The following YTHDF2 variants were observed in gnomAD, a reference collection of about 807,000 sequenced individuals.
YTHDF2 encodes the protein YTH N6-methyladenosine RNA binding protein F2, also known as YTH domain-containing family protein 2.
Under a neutral mutation model 50.4 loss-of-function variants are expected in YTHDF2, and 2 were observed. That is an observed-to-expected ratio of 0.04 (90% CI 0.02 to 0.12). YTHDF2 has a LOEUF of 0.12. Ranked by LOEUF, YTHDF2 falls within the 10% of genes least tolerant of loss-of-function variation. YTHDF2 has a pLI of 1.00. For synonymous variants in YTHDF2, 217 were observed against 255.6 expected, an observed-to-expected ratio of 0.85 and a Z score of 1.44; for missense variants, 483 against 722.6, an observed-to-expected ratio of 0.67 and a Z score of 3.80.
intron 3 of YTHDF2, among the ~76,000 whole-genome samples, chr1:28,740,049 G>A (rs1303688673): frequency 6.6e-6 from 1 of 152,200 alleles, no homozygotes; most frequent in Admixed American, 6.5e-5. Context: ...CATAAAACTT[G>A]TAGAATCCCT....
At chr1:28,757,575 T>TA (rs1336227237) in intron 4 of YTHDF2, among the ~76,000 whole-genome samples, 1 of 124,890 alleles carries the variant, frequency 8.0e-6, no homozygotes, top group African/African-American at 3.5e-5. Context: ...AAGATAGACT[T>TA]AAAAGCTCTT....
intron 3 of YTHDF2, 51 bp from the exon 4 acceptor site, chr1:28,742,352 G>T (rs776350974): frequency 6.6e-7 from 1 of 1,520,670 alleles, no homozygotes. Context: ...GGAGGAAATA[G>T]CCTGATGTTA....
chr1:28,737,921 C>G (rs943943003), intron 2 of YTHDF2: 2 of 591,828 alleles, frequency 3.4e-6, no homozygotes, highest in African/African-American at 1.9e-5. Flanking sequence ...CGCTCCAGGT[C>G]CTTAGTTTCC....
intron 4 of YTHDF2, among the ~76,000 whole-genome samples, chr1:28,757,950 T>G (rs980748052): frequency 1.3e-5 from 2 of 152,282 alleles, no homozygotes; most frequent in East Asian, 3.9e-4. Context: ...CAATCTCTTG[T>G]AATAATCCTG....
At chr1:28,754,486 C>T (rs147408489) in intron 4 of YTHDF2, among the ~76,000 whole-genome samples, 1,665 of 151,856 alleles carry the variant, frequency 0.011, 32 homozygotes, top group African/African-American at 0.038. Context: ...GCTGAGATAG[C>T]GCTACTGCAC....
Position 28,742,916 on chromosome 1 carries a change from A to G in YTHDF2, c.646A>G (p.Ile216Val), listed in dbSNP as rs760198112. The G allele has an allele frequency of 5.0e-6, 8 of 1,614,046 alleles. No homozygotes were observed. Among genetic ancestry groups the G allele is most frequent in the Admixed American group, 3.3e-5 (2 of 59,986 alleles). The stretch of plus-strand genomic sequence containing the variant: ...AGGTTCTGCTGTTGGTAGCGGGTCC[A>G]TTACTAGTAACATCGTGGCTTCCAA... ...VVGSAVGSGS[I>V]TSNIVASNSL... The change falls in exon 4 of 5, where the codon ATT becomes GTT. Residue 216 changes from isoleucine (I) to valine (V), a missense_variant. By Grantham distance (29) the Ile-to-Val change is conservative (BLOSUM62 3). Coordinates refer to ENST00000373812, the MANE Select transcript of YTHDF2 (RefSeq NM_016258.3).
intron 4 of YTHDF2, among the ~76,000 whole-genome samples, chr1:28,754,201 C>A (rs2088002174): frequency 6.6e-6 from 1 of 152,136 alleles, no homozygotes; most frequent in South Asian, 2.1e-4. Flanking sequence ...ATTTATAGAT[C>A]AACAAATGGA....
intron 4 of YTHDF2, among the ~76,000 whole-genome samples, chr1:28,747,634 G>A (rs1299843491): frequency 1.4e-5 from 2 of 146,242 alleles, no homozygotes; most frequent in Admixed American, 1.4e-4. Flanking sequence ...TAGCCAGGAT[G>A]GTCTTGATCT....
At chr1:28,736,747 A>C, upstream of YTHDF2, 1 of 276,696 alleles carries the variant, frequency 3.6e-6, no homozygotes, top group Non-Finnish European at 6.9e-6. Flanking sequence ...CCAATCCGCC[A>C]GAGGGCGCAG....
intron 4 of YTHDF2, among the ~76,000 whole-genome samples, chr1:28,762,715 G>A (rs2088154213): frequency 6.6e-6 from 1 of 152,180 alleles, no homozygotes; most frequent in African/African-American, 2.4e-5. Flanking sequence ...AGCTAAATAG[G>A]CAGATTTACT....
chr1:28,764,293 A>G (rs2088183825), intron 4 of YTHDF2, among the ~76,000 whole-genome samples: 1 of 145,590 alleles, frequency 6.9e-6, no homozygotes, highest in South Asian at 2.2e-4. Flanking sequence ...TTTTTTTGAG[A>G]CGGAGTTTTG....
chr1:28,752,022 C>G (rs1001549272), intron 4 of YTHDF2, among the ~76,000 whole-genome samples: 4 of 152,146 alleles, frequency 2.6e-5, no homozygotes, highest in African/African-American at 9.7e-5. Context: ...GGAAGAGGCT[C>G]AGAGGTTATT....
At chr1:28,764,437 ATTTTT>A (rs1325889381) in intron 4 of YTHDF2, among the ~76,000 whole-genome samples, 1 of 146,898 alleles carries the variant, frequency 6.8e-6, no homozygotes, top group Non-Finnish European at 1.5e-5. Flanking sequence ...CGCCCGGCTA[ATTTTT>A]TTTTTGTTTT....
intron 4 of YTHDF2, among the ~76,000 whole-genome samples, chr1:28,767,808 A>AT (rs1381477486): frequency 7.0e-6 from 1 of 142,378 alleles, no homozygotes; most frequent in Non-Finnish European, 1.5e-5. Flanking sequence ...ACGCCAGCTA[A>AT]TTTTTGTATT....
At chr1:28,739,140 A>G (rs1309764595) in intron 3 of YTHDF2, 5 of 152,276 alleles carry the variant, frequency 3.3e-5, no homozygotes, top group Non-Finnish European at 7.3e-5. Context: ...GCAGTGAGCT[A>G]TCTACGATCA....
At chr1:28,763,098 A>G (rs765407979) in intron 4 of YTHDF2, among the ~76,000 whole-genome samples, 1 of 152,290 alleles carries the variant, frequency 6.6e-6, no homozygotes, top group Non-Finnish European at 1.5e-5. Flanking sequence ...AAGTGCTGGC[A>G]TTACAGGCAT....
chr1:28,742,326 G>T, intron 3 of YTHDF2, 77 bp from the exon 4 acceptor site: 2 of 1,495,320 alleles, frequency 1.3e-6, no homozygotes, highest in Non-Finnish European at 1.8e-6. Context: ...TATTTGAATT[G>T]CGTGACTAGG....
intron 4 of YTHDF2, among the ~76,000 whole-genome samples, chr1:28,748,114 C>T (rs959492852): frequency 2.7e-5 from 4 of 148,582 alleles, no homozygotes; most frequent in African/African-American, 1.0e-4. Flanking sequence ...GGCGACAGAG[C>T]GAGACTCCAT....
chr1:28,739,488 G>A (rs1368969895), intron 3 of YTHDF2, among the ~76,000 whole-genome samples: 2 of 151,516 alleles, frequency 1.3e-5, no homozygotes, highest in African/African-American at 4.9e-5. Context: ...TTGTAGAGAT[G>A]GGGGTTTCAC....
Sources: allele counts gnomAD v4.1 joint callset (sites outside exome capture counted in the v4.1 genomes callset), GRCh38; gene constraint gnomAD v4.1.1; transcripts MANE v1.5; gene names NCBI Gene and HGNC (gene_info 2026-07-23, HGNC 2026-07-21).